The following PREX2 variants were observed in gnomAD, a reference collection of about 807,000 sequenced individuals.
PREX2 encodes phosphatidylinositol-3,4,5-trisphosphate dependent Rac exchange factor 2.
In PREX2, 107 loss-of-function variants were observed where a neutral mutation model predicts 203.2. The observed-to-expected ratio is 0.53, with a 90% CI of 0.45 to 0.62. The LOEUF (loss-of-function observed/expected upper bound fraction) is 0.62. Ranked by LOEUF, PREX2 falls within the 20% of genes least tolerant of loss-of-function variation. The pLI is 0.00. For missense variants in PREX2, 1,777 were observed against 1,955.9 expected (o/e 0.91, Z 1.72); for synonymous variants, 672 against 663.6 (o/e 1.01, Z -0.19).
At chr8:68,195,335 T>C (rs1467325478) in intron 37 of PREX2, among the ~76,000 whole-genome samples, 2 of 152,232 alleles carry the variant, frequency 1.3e-5, no homozygotes, top group Non-Finnish European at 2.9e-5. Flanking sequence ...AAAATAAATA[T>C]AGCTTTAGTT....
At chr8:67,986,493 G>A (rs1040534990) in intron 1 of PREX2, among the ~76,000 whole-genome samples, 1 of 151,764 alleles carries the variant, frequency 6.6e-6, no homozygotes, top group South Asian at 2.1e-4. Flanking sequence ...GCTTGTCTAC[G>A]TGCAAATGAC....
At chr8:68,108,958 A>G (rs1251753009) in intron 24 of PREX2, 1 of 411,086 alleles carries the variant, frequency 2.4e-6, no homozygotes, top group African/African-American at 2.1e-5. Context: ...AGAAAGACAA[A>G]TACTATATGA....
intron 35 of PREX2, 58 bp from the exon 36 acceptor site, chr8:68,191,664 A>T (rs147438019): frequency 1.7e-6 from 2 of 1,188,160 alleles, no homozygotes; most frequent in Non-Finnish European, 2.5e-6. Flanking sequence ...GAACATCTTC[A>T]TGCATATTAT....
At chr8:68,015,582 G>C (rs1807387885) in intron 1 of PREX2, among the ~76,000 whole-genome samples, 1 of 152,146 alleles carries the variant, frequency 6.6e-6, no homozygotes, top group African/African-American at 2.4e-5. Context: ...TGAAGAAAAG[G>C]TTTATAAATG....
intron 1 of PREX2, among the ~76,000 whole-genome samples, chr8:67,953,240 C>T (rs983453867): frequency 1.4e-5 from 2 of 143,044 alleles, no homozygotes; most frequent in Non-Finnish European, 3.0e-5. Context: ...TTTACATGGC[C>T]CATGAGAGTG....
chr8:68,055,104 G>A (rs1197731623), intron 9 of PREX2, among the ~76,000 whole-genome samples: 1 of 152,040 alleles, frequency 6.6e-6, no homozygotes, highest in Admixed American at 6.6e-5. Context: ...TTTGTTCCCC[G>A]CACTGTCCTC....
chr8:68,040,018 T>G (rs921590808), intron 7 of PREX2, among the ~76,000 whole-genome samples: 5 of 151,798 alleles, frequency 3.3e-5, no homozygotes, highest in African/African-American at 9.7e-5. Context: ...AGAATAAAGT[T>G]CTTTTTGTTT....
intron 37 of PREX2, among the ~76,000 whole-genome samples, chr8:68,201,931 G>T (rs1812511101): frequency 7.3e-6 from 1 of 136,222 alleles, no homozygotes; most frequent in Non-Finnish European, 1.5e-5. Flanking sequence ...TTTTGAGATG[G>T]AGTCTCGCTC....
chr8:68,120,318 A>G (rs1326989631), intron 29 of PREX2, 32 bp downstream of exon 29: 1 of 1,470,146 alleles, frequency 6.8e-7, no homozygotes, highest in East Asian at 2.3e-5. Context: ...AGTAGAAGCA[A>G]TTGAGAAAAA....
chr8:68,156,578 T>G (rs1585833696), intron 34 of PREX2, among the ~76,000 whole-genome samples: 1 of 152,142 alleles, frequency 6.6e-6, no homozygotes, highest in African/African-American at 2.4e-5. Context: ...AAAGACAAGT[T>G]AACAAGAGAA....
chr8:68,087,883 T>A, intron 19 of PREX2, 74 bp downstream of exon 19: 3 of 927,074 alleles, frequency 3.2e-6, no homozygotes, highest in Non-Finnish European at 5.4e-6. Flanking sequence ...GGAATGTGTT[T>A]AAAATAGGCA....
At chr8:68,081,459 G>A (rs1809521543) in intron 17 of PREX2, among the ~76,000 whole-genome samples, 1 of 152,130 alleles carries the variant, frequency 6.6e-6, no homozygotes, top group Non-Finnish European at 1.5e-5. Flanking sequence ...GGGAGGCCAA[G>A]TGGCTCATTC....
chr8:68,062,072 G>A (rs1034247437), intron 11 of PREX2, among the ~76,000 whole-genome samples: 1 of 152,064 alleles, frequency 6.6e-6, no homozygotes, highest in Non-Finnish European at 1.5e-5. Context: ...ATCACACTGG[G>A]TGTTGCCTAC....
rs780183488 is a variant in PREX2 at position 68,191,732 on chromosome 8, T to C, written c.4357T>C (p.Leu1453=). The change falls in exon 36 of 40, where the codon TTG becomes CTG. Residue 1453 remains leucine (L), a synonymous_variant. Coordinates refer to ENST00000288368, the MANE Select transcript of PREX2 (RefSeq NM_024870.4). ...QYNQKLRAFY[L]DKSNSPPNST... is the part of the protein sequence containing the mutation. ...CTTGGATTCTTACAGGGCATTCTAC[T>C]TGGACAAGTCAAATTCACCACCAAA... is the stretch of plus-strand genomic sequence containing the variant. 1 of 1,609,272 alleles carries C rather than the reference T, an allele frequency of 6.2e-7. No homozygotes were observed. The highest frequency in any genetic ancestry group is 1.1e-5 in the South Asian group (1 of 90,930).
At chr8:68,076,408 G>C (rs1237399711) in intron 14 of PREX2, among the ~76,000 whole-genome samples, 1 of 152,048 alleles carries the variant, frequency 6.6e-6, no homozygotes, top group Admixed American at 6.6e-5. Flanking sequence ...GGTGAGCTGA[G>C]ATCAAGCCAC....
intron 8 of PREX2, among the ~76,000 whole-genome samples, chr8:68,050,997 C>T (rs1232966848): frequency 6.6e-6 from 1 of 152,100 alleles, no homozygotes; most frequent in Admixed American, 6.6e-5. Context: ...GCGAAGTCTA[C>T]ATGTAGTTTT....
intron 20 of PREX2, among the ~76,000 whole-genome samples, chr8:68,092,432 A>T (rs920605142): frequency 6.6e-6 from 1 of 152,236 alleles, no homozygotes; most frequent in Non-Finnish European, 1.5e-5. Flanking sequence ...TCATACTTCA[A>T]TAATGCAGTT....
chr8:67,977,901 A>T (rs943067836), intron 1 of PREX2, among the ~76,000 whole-genome samples: 1 of 152,084 alleles, frequency 6.6e-6, no homozygotes, highest in African/African-American at 2.4e-5. Context: ...TCTCTTTCTG[A>T]CTGTTTACCT....
At chr8:68,106,838 C>G (rs1208370608) in intron 23 of PREX2, among the ~76,000 whole-genome samples, 1 of 152,082 alleles carries the variant, frequency 6.6e-6, no homozygotes, top group African/African-American at 2.4e-5. Context: ...AGAATATAGA[C>G]ATTATTTAAT....
Sources: allele counts gnomAD v4.1 joint callset (sites outside exome capture counted in the v4.1 genomes callset), GRCh38; gene constraint gnomAD v4.1.1; transcripts MANE v1.5; gene names NCBI Gene and HGNC (gene_info 2026-07-23, HGNC 2026-07-21).